ARSG: variants seen among roughly 807,000 people sequenced by gnomAD.
ARSG encodes ASG.
In ARSG, 37 loss-of-function variants were observed where a neutral mutation model predicts 50.5. That is an observed-to-expected ratio of 0.73 (90% CI 0.56 to 0.96). The LOEUF (loss-of-function observed/expected upper bound fraction) is 0.96, where lower values mean the gene tolerates loss of function less well. Ranked by LOEUF, ARSG falls within the 50% of genes least tolerant of loss-of-function variation. ARSG has a pLI of 0.00. For synonymous variants in ARSG, 225 were observed against 254.6 expected, an observed-to-expected ratio of 0.88 and a Z score of 1.11; for missense variants, 629 against 675.3, an observed-to-expected ratio of 0.93 and a Z score of 0.76.
At chr17:68,426,224 AT>A (rs1412554277), downstream of ARSG, 2 of 1,041,798 alleles carry the variant, frequency 1.9e-6, no homozygotes, top group Non-Finnish European at 2.8e-6. Context: ...ATCTGCTTTT[AT>A]GCCATGACCT....
chr17:68,292,868 C>A (rs2076065789), intron 1 of ARSG, among the ~76,000 whole-genome samples: 1 of 152,146 alleles, frequency 6.6e-6, no homozygotes, highest in Non-Finnish European at 1.5e-5. Context: ...AGCTTTGCAA[C>A]CTTGTAGGCG....
intron 8 of ARSG, among the ~76,000 whole-genome samples, chr17:68,374,341 A>C (rs538264563): frequency 1.7e-3 from 186 of 111,844 alleles, no homozygotes; most frequent in African/African-American, 7.6e-3. Context: ...CAAGGCTAAA[A>C]GTCCAGAAGG....
At chr17:68,346,103 T>C (rs920139215) in intron 3 of ARSG, among the ~76,000 whole-genome samples, 14 of 152,162 alleles carry the variant, frequency 9.2e-5, no homozygotes, top group African/African-American at 3.4e-4. Flanking sequence ...CTCAAACTCC[T>C]GGCCTCATGT....
chr17:68,331,536 G>A (rs1464507693), intron 2 of ARSG, among the ~76,000 whole-genome samples: 3 of 152,146 alleles, frequency 2.0e-5, no homozygotes, highest in Admixed American at 6.6e-5. Context: ...GAGCCACTGC[G>A]CCTGGTGCAA....
intron 6 of ARSG, among the ~76,000 whole-genome samples, chr17:68,358,959 C>T (rs1471864164): frequency 1.3e-5 from 2 of 152,136 alleles, no homozygotes; most frequent in East Asian, 1.9e-4. Context: ...GTCAGGAGAT[C>T]GAGACCATCC....
chr17:68,410,331 A>C (rs2081942787), intron 11 of ARSG, among the ~76,000 whole-genome samples: 1 of 143,128 alleles, frequency 7.0e-6, no homozygotes, highest in Admixed American at 7.1e-5. Flanking sequence ...TTTTAGCATG[A>C]AGGGTTGTTG....
At chr17:68,315,843 G>C (rs1273605485) in intron 2 of ARSG, among the ~76,000 whole-genome samples, 2 of 152,090 alleles carry the variant, frequency 1.3e-5, no homozygotes, top group Non-Finnish European at 2.9e-5. Flanking sequence ...ATGTTGGCCA[G>C]GCTGATCTTG....
rs1003126030 is a variant in ARSG, at chr17:68,378,414, C to T, written c.983-6650C>T. ...CCTTTCCTGGCCGAGCCGCCCAGCT[C>T]AGCTGATGGGATGAGGCAGCGTCTC... is the stretch of plus-strand genomic sequence containing the variant. On this transcript the variant is annotated intron_variant, in intron 8 of 11. Transcript: ENST00000621439. The surrounding 1 kb of genome is among the most constrained non-coding windows in gnomAD (Gnocchi z 4.4). 6.6e-6 allele frequency among the ~76,000 whole-genome samples: 1 copy of T among 152,226 alleles called. No homozygotes were observed. The highest frequency in any genetic ancestry group is 1.5e-5 in the Non-Finnish European group (1 of 68,048).
At chr17:68,428,810 T>G in the ARSG span, 5 of 1,595,224 alleles carry the variant, frequency 3.1e-6, no homozygotes, top group Non-Finnish European at 4.3e-6. Context: ...GGCTGTCTTT[T>G]GAAAAGCAGT....
At chr17:68,428,959 A>C in the ARSG span, 1 of 1,576,454 alleles carries the variant, frequency 6.3e-7, no homozygotes, top group Non-Finnish European at 8.7e-7. Flanking sequence ...GAAAACATAA[A>C]CCGTGATGAC....
intron 2 of ARSG, among the ~76,000 whole-genome samples, chr17:68,331,417 C>T (rs1010153579): frequency 2.6e-5 from 4 of 151,754 alleles, no homozygotes; most frequent in African/African-American, 7.3e-5. Flanking sequence ...GCTAATTTTT[C>T]GTATTTTTAG....
chr17:68,276,181 C>A (rs1484360253), intron 1 of ARSG, among the ~76,000 whole-genome samples: 1 of 151,354 alleles, frequency 6.6e-6, no homozygotes, highest in Non-Finnish European at 1.5e-5. Flanking sequence ...GCAACCTCTG[C>A]CTCCCAGGAT....
chr17:68,428,198 G>A, the ARSG span: 1 of 150,966 alleles, frequency 6.6e-6, no homozygotes, highest in Non-Finnish European at 1.5e-5. Context: ...ATGACTGGTA[G>A]AGCACTTTTC....
intron 2 of ARSG, among the ~76,000 whole-genome samples, chr17:68,309,500 G>A (rs1195241223): frequency 6.6e-6 from 1 of 152,242 alleles, no homozygotes; most frequent in Non-Finnish European, 1.5e-5. Context: ...AGGAGTTCAA[G>A]GTTGCAGTGA....
chr17:68,363,756 C>T (rs1224084499), intron 6 of ARSG, among the ~76,000 whole-genome samples: 2 of 152,156 alleles, frequency 1.3e-5, no homozygotes, highest in Admixed American at 6.5e-5. Flanking sequence ...CGTGAGCCAT[C>T]GTGCCTGGCC....
chr17:68,413,286 C>G (rs994540958), intron 11 of ARSG, among the ~76,000 whole-genome samples: 2 of 151,912 alleles, frequency 1.3e-5, no homozygotes, highest in Non-Finnish European at 2.9e-5. Flanking sequence ...TGGTGATGTA[C>G]AGATGGGTTT....
At position 68,379,055 on chromosome 17, in the gene ARSG, G is replaced by A. The variant is rs76914412; in HGVS notation, c.983-6009G>A. 5.7e-3 allele frequency among the ~76,000 whole-genome samples: 868 copies of A among 152,122 alleles called. 13 individuals are homozygous for A. Among genetic ancestry groups the A allele is most frequent in the African/African-American group, 0.019 (793 of 41,500 alleles). On this transcript the variant is annotated intron_variant, in intron 8 of 11. Coordinates refer to ENST00000621439, the MANE Select transcript of ARSG (RefSeq NM_001267727.2). ...AGGGACCTAGAGGAAGTCAAACTGCGTCTCTTTCTGGGCCTTTGGCCACCA... is the reference window on the plus strand; with the variant it reads ...AGGGACCTAGAGGAAGTCAAACTGCATCTCTTTCTGGGCCTTTGGCCACCA...
chr17:68,430,540 A>G, the ARSG span, among the ~76,000 whole-genome samples: 2 of 152,180 alleles, frequency 1.3e-5, no homozygotes, highest in Non-Finnish European at 2.9e-5. Flanking sequence ...TGCCGGGCTC[A>G]TGGAAGAACA....
In ARSG at chr17:68,420,674, G is replaced by C. The variant is rs1158642804; in HGVS notation, c.*211G>C. ...TGCGCTGGCTCTGGGCAGGGAGTGT[G>C]CCTTAATGGGAAGCACACGGGCTTT... On this transcript the variant is annotated 3_prime_UTR_variant, in exon 12 of 12. Coordinates refer to ENST00000621439, the MANE Select transcript of ARSG (RefSeq NM_001267727.2). 2 of 606,180 alleles carry C rather than the reference G, an allele frequency of 3.3e-6. No homozygotes were observed. Among genetic ancestry groups the C allele is most frequent in the Admixed American group, 3.2e-5 (1 of 31,502 alleles). The allele number at this position is 606,180 out of a possible 1,614,324, so 37.6% of individuals were successfully genotyped here.
Sources: allele counts gnomAD v4.1 joint callset (sites outside exome capture counted in the v4.1 genomes callset), GRCh38; gene constraint gnomAD v4.1.1; non-coding constraint Gnocchi (gnomAD v3.1); transcripts MANE v1.5; gene names NCBI Gene and HGNC (gene_info 2026-07-23, HGNC 2026-07-21).